ST18: variants seen among roughly 807,000 people sequenced by gnomAD.
ST18 encodes the protein ST18 C2H2C-type zinc finger transcription factor.
ST18 carries 50 observed loss-of-function variants against 110.0 expected under a neutral mutation model. The ratio of observed to expected loss-of-function variants is 0.45; its 90% CI spans 0.36 to 0.58. The LOEUF (loss-of-function observed/expected upper bound fraction) is 0.58, where lower values mean the gene tolerates loss of function less well. ST18 is among the 20% of genes least tolerant of loss of function. The pLI, the probability that ST18 is intolerant of heterozygous loss-of-function variation, is 0.00. For synonymous variants in ST18, 461 were observed against 452.4 expected (o/e 1.02, Z -0.24); for missense variants, 1,306 against 1,280.1 (o/e 1.02, Z -0.31).
intron 9 of ST18, among the ~76,000 whole-genome samples, chr8:52,174,618 C>CG: frequency 6.6e-6 from 1 of 152,264 alleles, no homozygotes. Flanking sequence ...CACATGTGCA[C>CG]GACAATGCAT....
chr8:52,148,864 A>C (rs2058081442), intron 16 of ST18, among the ~76,000 whole-genome samples: 1 of 152,208 alleles, frequency 6.6e-6, no homozygotes, highest in South Asian at 2.1e-4. Context: ...CTAAACTTCA[A>C]AAAGCTGTAA....
At chr8:52,204,728 A>G (rs1413214993) in intron 8 of ST18, among the ~76,000 whole-genome samples, 1 of 152,214 alleles carries the variant, frequency 6.6e-6, no homozygotes, top group East Asian at 1.9e-4. Context: ...TGGATGAAAA[A>G]ATTATCTCTG....
chr8:52,118,298 A>G (rs747749880), intron 24 of ST18, 40 bp downstream of exon 24: 12 of 1,351,588 alleles, frequency 8.9e-6, no homozygotes, highest in African/African-American at 1.5e-5. Context: ...ACCAAAGATT[A>G]TGATTACATT....
intron 2 of ST18, chr8:52,294,470 C>G (rs9650307): frequency 0.31 from 46,913 of 152,160 alleles, 7,433 homozygotes; most frequent in Middle Eastern, 0.44. Context: ...CCAGGAACTT[C>G]CTGTTCTAGG....
chr8:52,279,401 T>C (rs1331870194), intron 2 of ST18, among the ~76,000 whole-genome samples: 1 of 152,118 alleles, frequency 6.6e-6, no homozygotes, highest in East Asian at 1.9e-4. Context: ...ATATTAAAGT[T>C]ATGAAAAGAT....
At chr8:52,293,654 A>G (rs1178697713) in intron 2 of ST18, among the ~76,000 whole-genome samples, 1 of 151,844 alleles carries the variant, frequency 6.6e-6, no homozygotes, top group Non-Finnish European at 1.5e-5. Context: ...TTTTTGTTAT[A>G]TTTGCTGCTT....
At chr8:52,128,584 T>C (rs189230966) in intron 22 of ST18, among the ~76,000 whole-genome samples, 181 of 152,284 alleles carry the variant, frequency 1.2e-3, no homozygotes, top group Middle Eastern at 6.8e-3. Flanking sequence ...AATATGGATA[T>C]AGTGTGTGGG....
chr8:52,255,185 T>C (rs1326999630), intron 2 of ST18, among the ~76,000 whole-genome samples: 1 of 152,188 alleles, frequency 6.6e-6, no homozygotes, highest in Non-Finnish European at 1.5e-5. Flanking sequence ...ATGGTCTCTG[T>C]GCGGCCCGGA....
chr8:52,386,794 C>T (rs1836962477), intron 2 of ST18, among the ~76,000 whole-genome samples: 1 of 152,154 alleles, frequency 6.6e-6, no homozygotes, highest in Admixed American at 6.5e-5. Context: ...CCCTACTACA[C>T]TGATCAATTT....
At chr8:52,331,290 TATA>T (rs1424829017) in intron 2 of ST18, among the ~76,000 whole-genome samples, 12 of 151,908 alleles carry the variant, frequency 7.9e-5, no homozygotes, top group African/African-American at 2.4e-4. Flanking sequence ...TTTATTCACA[TATA>T]ATATGTTTAT....
chr8:52,184,340 G>C (rs2071114522), intron 8 of ST18, among the ~76,000 whole-genome samples: 5 of 152,080 alleles, frequency 3.3e-5, no homozygotes, highest in Admixed American at 3.3e-4. Context: ...TATCAATGCA[G>C]CAAATATCTT....
intron 2 of ST18, among the ~76,000 whole-genome samples, chr8:52,243,858 T>C (rs761370788): frequency 4.6e-5 from 7 of 151,848 alleles, no homozygotes; most frequent in Non-Finnish European, 8.8e-5. Context: ...ATGGGGAGTG[T>C]GTGTGAAAGA....
At chr8:52,113,631 C>T (rs2041269635) in intron 25 of ST18, among the ~76,000 whole-genome samples, 1 of 152,148 alleles carries the variant, frequency 6.6e-6, no homozygotes, top group African/African-American at 2.4e-5. Flanking sequence ...TTCTACTTCT[C>T]TTGGGAGGCA....
chr8:52,135,421 C>A (rs1269036523), intron 19 of ST18, among the ~76,000 whole-genome samples: 5 of 151,650 alleles, frequency 3.3e-5, no homozygotes, highest in Non-Finnish European at 7.4e-5. Context: ...AGCACTCAGG[C>A]ATGGTTGTGC....
At chr8:52,291,566 T>C (rs1206161712) in intron 2 of ST18, among the ~76,000 whole-genome samples, 3 of 152,196 alleles carry the variant, frequency 2.0e-5, no homozygotes, top group African/African-American at 7.2e-5. Flanking sequence ...ATACTCCAGA[T>C]AAATTCATCC....
intron 2 of ST18, among the ~76,000 whole-genome samples, chr8:52,364,809 C>T (rs562587836): frequency 1.3e-5 from 2 of 152,212 alleles, no homozygotes; most frequent in Admixed American, 1.3e-4. Flanking sequence ...GTAATTTACT[C>T]CTATAGAAAG....
At chr8:52,267,860 T>A (rs2094925941) in intron 2 of ST18, among the ~76,000 whole-genome samples, 1 of 152,188 alleles carries the variant, frequency 6.6e-6, no homozygotes, top group Non-Finnish European at 1.5e-5. Flanking sequence ...AGACACATTC[T>A]TTCTGGGAAT....
chr8:52,234,728 G>GT (rs2092332549), intron 2 of ST18, among the ~76,000 whole-genome samples: 13 of 145,612 alleles, frequency 8.9e-5, no homozygotes, highest in African/African-American at 3.3e-4. Context: ...AAGAAACTAT[G>GT]GTGTGTGTGT....
At chr8:52,292,038 G>A (rs2095564315) in intron 2 of ST18, among the ~76,000 whole-genome samples, 1 of 152,094 alleles carries the variant, frequency 6.6e-6, no homozygotes, top group African/African-American at 2.4e-5. Flanking sequence ...ACCTCCCAAA[G>A]TGCTGGGATT....
Sources: allele counts gnomAD v4.1 joint callset (sites outside exome capture counted in the v4.1 genomes callset), GRCh38; gene constraint gnomAD v4.1.1; transcripts MANE v1.5; gene names NCBI Gene and HGNC (gene_info 2026-07-23, HGNC 2026-07-21).